ENTPD1: variants seen among roughly 807,000 people sequenced by gnomAD.
ENTPD1 encodes ATP diphosphohydrolase.
ENTPD1 carries 33 observed loss-of-function variants against 57.0 expected under a neutral mutation model. That is an observed-to-expected ratio of 0.58 (90% CI 0.44 to 0.77). The LOEUF (loss-of-function observed/expected upper bound fraction) is 0.77. Ranked by LOEUF, ENTPD1 falls within the 30% of genes least tolerant of loss-of-function variation. The pLI is 0.00. For missense variants in ENTPD1, 501 were observed against 603.4 expected (o/e 0.83, Z 1.78); for synonymous variants, 202 against 218.8 (o/e 0.92, Z 0.68).
intron 1 of ENTPD1, among the ~76,000 whole-genome samples, chr10:95,765,925 A>G (rs1022172952): frequency 2.0e-5 from 3 of 152,088 alleles, no homozygotes; most frequent in African/African-American, 7.2e-5. Flanking sequence ...GTTCCTAAGT[A>G]TGATTTTCTT....
chr10:95,762,892 AGTTTGT>A (rs1189394559), intron 1 of ENTPD1, among the ~76,000 whole-genome samples: 2 of 151,932 alleles, frequency 1.3e-5, no homozygotes, highest in African/African-American at 4.8e-5. Flanking sequence ...AGATTGTTTT[AGTTTGT>A]ATTTCTTAAT....
At chr10:95,731,052 C>T (rs2097988572) in intron 1 of ENTPD1, among the ~76,000 whole-genome samples, 1 of 152,218 alleles carries the variant, frequency 6.6e-6, no homozygotes. Flanking sequence ...TTTGGTCTCT[C>T]AGGTAACTTT....
intron 1 of ENTPD1, among the ~76,000 whole-genome samples, chr10:95,737,235 A>G (rs1297963807): frequency 1.4e-5 from 2 of 144,546 alleles, no homozygotes; most frequent in Non-Finnish European, 3.1e-5. Context: ...TGGGGGAGTA[A>G]GATATTAAGC....
chr10:95,867,976 C>T lies in ENTPD1; in HGVS notation c.*1593C>T, dbSNP rs548348605. On this transcript the variant is annotated 3_prime_UTR_variant, in exon 10 of 10. Coordinates refer to ENST00000371205, the MANE Select transcript of ENTPD1 (RefSeq NM_001776.6). ...TAGATCTTGATTAGGAATCAAAATT[C>T]GAATTGGGACATGTTCAAATTCTTT... 7 of 985,446 alleles carry T rather than the reference C, an allele frequency of 7.1e-6. No individual in the cohort carries two copies. The highest frequency in any genetic ancestry group is 1.1e-4 in the East Asian group (1 of 8,816). 61.0% of individuals were successfully genotyped at this position (985,446 alleles called of 1,614,324 possible).
At chr10:95,844,387 G>A (rs1430872580) in intron 4 of ENTPD1, 89 bp from the exon 5 acceptor site, 3 of 1,565,150 alleles carry the variant, frequency 1.9e-6, no homozygotes, top group African/African-American at 2.7e-5. Flanking sequence ...TCACTTCTTA[G>A]TAGCACTGTG....
chr10:95,701,808 A>G, the ENTPD1 span, among the ~76,000 whole-genome samples: 2 of 152,142 alleles, frequency 1.3e-5, 1 homozygote, highest in Non-Finnish European at 2.9e-5. Flanking sequence ...AATTAAGGGA[A>G]AAAATCACAT....
chr10:95,856,651 C>CATATATATATATATAT (rs66753059), intron 7 of ENTPD1, among the ~76,000 whole-genome samples: 23 of 142,186 alleles, frequency 1.6e-4, no homozygotes, highest in African/African-American at 3.6e-4. Context: ...TATATGTATG[C>CATATATATATATATAT]ATATATATAT....
intron 1 of ENTPD1, among the ~76,000 whole-genome samples, chr10:95,760,986 C>T (rs2098058664): frequency 1.3e-5 from 2 of 152,082 alleles, no homozygotes; most frequent in African/African-American, 2.4e-5. Context: ...CCTGCCACTA[C>T]ACCCGGCTAA....
Position 95,823,252 on chromosome 10 carries a change from C to T in ENTPD1, c.32C>T (p.Thr11Ile). The T allele has an allele frequency of 1.2e-6, 2 of 1,614,128 alleles. No individual in the cohort carries two copies. The highest frequency in any genetic ancestry group is 1.7e-6 in the Non-Finnish European group (2 of 1,179,994). The change falls in exon 2 of 10, where the codon ACA (threonine) becomes ATA (isoleucine). Residue 11 changes from threonine (T) to isoleucine (I), a missense_variant. Coordinates refer to ENST00000371205, the MANE Select transcript of ENTPD1 (RefSeq NM_001776.6). ...TTGGTTTTAGAGTCTAACGTGAAGACATTTTGCTCCAAGAATATCCTAGCC... is the reference window on the plus strand; with the variant it reads ...TTGGTTTTAGAGTCTAACGTGAAGATATTTTGCTCCAAGAATATCCTAGCC... MEDTKESNVKTFCSKNILAIL... is the reference protein window; with the variant it reads MEDTKESNVKIFCSKNILAIL...
chr10:95,757,144 G>A (rs915595112), intron 1 of ENTPD1, among the ~76,000 whole-genome samples: 2 of 152,104 alleles, frequency 1.3e-5, no homozygotes, highest in Non-Finnish European at 1.5e-5. Context: ...TGCTTATACC[G>A]TATAGAACAT....
intron 2 of ENTPD1, among the ~76,000 whole-genome samples, chr10:95,831,811 C>A (rs2098397462): frequency 6.6e-6 from 1 of 152,220 alleles, no homozygotes; most frequent in Non-Finnish European, 1.5e-5. Context: ...TTTACTTGCC[C>A]AGCTACCTAA....
intron 7 of ENTPD1, among the ~76,000 whole-genome samples, chr10:95,858,153 T>G (rs2098458806): frequency 7.8e-6 from 1 of 127,812 alleles, no homozygotes; most frequent in African/African-American, 3.2e-5. Context: ...CAAGACTCCA[T>G]CTCAAAAAAA....
intron 1 of ENTPD1, among the ~76,000 whole-genome samples, chr10:95,766,004 TTTG>T (rs1365617420): frequency 6.6e-6 from 1 of 152,156 alleles, no homozygotes; most frequent in Admixed American, 6.5e-5. Context: ...ATTTACTTTT[TTTG>T]TTGTTGTATT....
chr10:95,709,243 T>TTG (rs1279926147), upstream of ENTPD1, among the ~76,000 whole-genome samples: 3 of 152,200 alleles, frequency 2.0e-5, no homozygotes, highest in East Asian at 3.8e-4. Flanking sequence ...CCAGTTTTAT[T>TTG]TGTGTGTGTG....
chr10:95,694,674 A>T, the ENTPD1 span, among the ~76,000 whole-genome samples: 3 of 110,668 alleles, frequency 2.7e-5, no homozygotes, highest in East Asian at 8.3e-4. Context: ...GAAATAGAAG[A>T]TTTTTTTCCC....
intron 7 of ENTPD1, among the ~76,000 whole-genome samples, chr10:95,857,337 A>G (rs1343228748): frequency 6.6e-6 from 1 of 152,240 alleles, no homozygotes; most frequent in Non-Finnish European, 1.5e-5. Context: ...AAATGTCACT[A>G]CTTAGCAAAA....
Position 95,874,336 on chromosome 10 carries a change from C to T in ENTPD1, c.*7953C>T, listed in dbSNP as rs1228610276. On this transcript the variant is annotated 3_prime_UTR_variant, in exon 10 of 10. Coordinates refer to ENST00000371205, the MANE Select transcript of ENTPD1 (RefSeq NM_001776.6). ...TACAGGGTCCATGCAAGTCTGAAAT[C>T]CAGTGGGGCAGTCAAATTTTAAAGC... Among the ~76,000 whole-genome samples the T allele has an allele frequency of 6.6e-6, 1 of 152,184 alleles. No individual in the cohort carries two copies. Among genetic ancestry groups the T allele is most frequent in the Non-Finnish European group, 1.5e-5 (1 of 68,042 alleles).
At chr10:95,729,095 A>AAT (rs1460951710) in intron 1 of ENTPD1, among the ~76,000 whole-genome samples, 4 of 151,930 alleles carry the variant, frequency 2.6e-5, no homozygotes, top group African/African-American at 7.2e-5. Flanking sequence ...AAAATTTTAA[A>AAT]ATATATATAT....
At chr10:95,802,074 C>T (rs533503540) in intron 1 of ENTPD1, among the ~76,000 whole-genome samples, 2 of 152,242 alleles carry the variant, frequency 1.3e-5, no homozygotes, top group Non-Finnish European at 2.9e-5. Context: ...GAACATGTGC[C>T]CAAGGTGATC....
Sources: gnomAD v4.1 joint callset for allele counts (sites outside exome capture counted in the v4.1 genomes callset) on GRCh38, gnomAD v4.1.1 for gene constraint, MANE v1.5 for transcripts, NCBI Gene and HGNC (gene_info 2026-07-23, HGNC 2026-07-21) for gene names.